KHDRBS3: variants seen among roughly 807,000 people sequenced by gnomAD.
KHDRBS3 encodes KH RNA binding domain containing, signal transduction associated 3.
KHDRBS3 carries 23 observed loss-of-function variants against 45.6 expected under a neutral mutation model. That is an observed-to-expected ratio of 0.50 (90% CI 0.36 to 0.72). KHDRBS3 has a LOEUF of 0.72. Ranked by LOEUF, KHDRBS3 falls within the 30% of genes least tolerant of loss-of-function variation. The pLI, the probability that KHDRBS3 is intolerant of heterozygous loss-of-function variation, is 0.00. For missense variants in KHDRBS3, 352 were observed against 424.8 expected (o/e 0.83, Z 1.51); for synonymous variants, 162 against 156.5 (o/e 1.04, Z -0.26).
At chr8:135,505,294 GTGATTT>G (rs1386810602) in intron 1 of KHDRBS3, among the ~76,000 whole-genome samples, 1 of 152,176 alleles carries the variant, frequency 6.6e-6, no homozygotes, top group East Asian at 1.9e-4. Flanking sequence ...GTGAGGCCAA[GTGATTT>G]GCCAGAGGTT....
chr8:135,656,120 G>C (rs966626314), intron 4 of KHDRBS3: 5 of 152,094 alleles, frequency 3.3e-5, no homozygotes, highest in African/African-American at 1.2e-4. Flanking sequence ...TTTCTATTAA[G>C]TGTCCACTTG....
intron 6 of KHDRBS3, among the ~76,000 whole-genome samples, chr8:135,587,582 G>A (rs575706280): frequency 2.6e-5 from 4 of 152,116 alleles, no homozygotes; most frequent in Admixed American, 6.5e-5. Context: ...TGGAGAACAA[G>A]AAGTGCCTTT....
chr8:135,489,756 G>A (rs910066859), intron 1 of KHDRBS3, among the ~76,000 whole-genome samples: 5 of 152,104 alleles, frequency 3.3e-5, no homozygotes, highest in Non-Finnish European at 2.9e-5. Flanking sequence ...AAAAGTTATA[G>A]TAAGGTAATA....
At chr8:135,480,314 C>T (rs1185460333) in intron 1 of KHDRBS3, among the ~76,000 whole-genome samples, 1 of 152,020 alleles carries the variant, frequency 6.6e-6, no homozygotes, top group Non-Finnish European at 1.5e-5. Context: ...AAATAAAAGG[C>T]ATACAGATTG....
In KHDRBS3 at chr8:135,593,931, A is replaced by G. The variant is rs112644816; in HGVS notation, c.807+11858A>G. Among the ~76,000 whole-genome samples the G allele has an allele frequency of 4.4e-3, 674 of 152,266 alleles. 13 individuals carry two copies. Among genetic ancestry groups the G allele is most frequent in the African/African-American group, 0.015 (615 of 41,572 alleles). ...TTTAGAGGAGACAACATTTAAACCAAACAGGAAGGGAATGAGTAGCACTCA... is the reference window on the plus strand; with the variant it reads ...TTTAGAGGAGACAACATTTAAACCAGACAGGAAGGGAATGAGTAGCACTCA... On this transcript the variant is annotated intron_variant, in intron 6 of 8. Coordinates refer to ENST00000355849, the MANE Select transcript of KHDRBS3 (RefSeq NM_006558.3).
intron 1 of KHDRBS3, 170 bp downstream of exon 1, chr8:135,458,124 C>G (rs1042849943): frequency 7.2e-7 from 1 of 1,382,192 alleles, no homozygotes; most frequent in Admixed American, 3.3e-5. Flanking sequence ...TGTGGGACAC[C>G]TAGGGGAAGA....
At position 135,542,701 on chromosome 8, in the gene KHDRBS3, G is replaced by A. The variant is rs1826102213; in HGVS notation, c.255G>A (p.Lys85=). The part of the protein sequence containing the change: ...KLLGPRGNSL[K]RLQEETLTKM... ...TGGGTCCACGTGGCAATTCTCTGAAGCGTTTACAAGAAGAAACCTTGACAA... is the reference window on the plus strand; with the variant it reads ...TGGGTCCACGTGGCAATTCTCTGAAACGTTTACAAGAAGAAACCTTGACAA... Residue 85 remains lysine, a synonymous_variant, in exon 3 of 9, where the codon AAG becomes AAA. Coordinates refer to ENST00000355849, the MANE Select transcript of KHDRBS3 (RefSeq NM_006558.3). 1 of 1,613,890 alleles carries A rather than the reference G, an allele frequency of 6.2e-7. No individual in the cohort carries two copies. The highest frequency in any genetic ancestry group is 8.5e-7 in the Non-Finnish European group (1 of 1,179,830).
intron 7 of KHDRBS3, among the ~76,000 whole-genome samples, chr8:135,626,739 G>A (rs1830381877): frequency 6.9e-6 from 1 of 144,506 alleles, no homozygotes. Flanking sequence ...GGGAGGCGGA[G>A]CTTGCAGTGA....
chr8:135,621,041 A>G (rs577352601), intron 7 of KHDRBS3, among the ~76,000 whole-genome samples: 1 of 152,084 alleles, frequency 6.6e-6, no homozygotes, highest in South Asian at 2.1e-4. Context: ...GAAACCCAGT[A>G]AGAAATCTTG....
intron 1 of KHDRBS3, among the ~76,000 whole-genome samples, chr8:135,507,240 G>A (rs1416296819): frequency 2.6e-5 from 4 of 152,076 alleles, no homozygotes; most frequent in East Asian, 3.9e-4. Flanking sequence ...AAAGATCAAC[G>A]AATTATTCCA....
exon 5 of KHDRBS3, chr8:135,656,385 A>G (rs1055073500): frequency 1.3e-5 from 2 of 152,168 alleles, no homozygotes; most frequent in African/African-American, 4.8e-5. Flanking sequence ...GTATGCTTTT[A>G]ATTTGGAGAA....
At chr8:135,535,009 C>T (rs1446569117) in intron 2 of KHDRBS3, among the ~76,000 whole-genome samples, 1 of 151,990 alleles carries the variant, frequency 6.6e-6, no homozygotes, top group African/African-American at 2.4e-5. Flanking sequence ...CCCAACAGTG[C>T]CGAAGTTGCT....
At chr8:135,465,772 C>T (rs1284644322) in intron 1 of KHDRBS3, among the ~76,000 whole-genome samples, 3 of 152,038 alleles carry the variant, frequency 2.0e-5, no homozygotes, top group East Asian at 3.8e-4. Flanking sequence ...TCAATCAGCC[C>T]CTGCTGCTAT....
chr8:135,617,189 A>G (rs1192756823), intron 7 of KHDRBS3, among the ~76,000 whole-genome samples: 1 of 152,046 alleles, frequency 6.6e-6, no homozygotes, highest in East Asian at 1.9e-4. Context: ...AGCCTGTAGT[A>G]GGTGTTTACC....
At chr8:135,646,900 T>C (rs754883870) in intron 8 of KHDRBS3, 93 bp from the exon 9 acceptor site, 1 of 736,278 alleles carries the variant, frequency 1.4e-6, no homozygotes. Flanking sequence ...ATATGACATG[T>C]ACCTTTGGTT....
intron 7 of KHDRBS3, chr8:135,625,114 AGG>A (rs745564701): frequency 5.2e-5 from 46 of 891,432 alleles, no homozygotes; most frequent in South Asian, 1.3e-4. Context: ...GGATAATAAA[AGG>A]GAGTATTTTA....
At chr8:135,504,745 C>T (rs1823905264) in intron 1 of KHDRBS3, among the ~76,000 whole-genome samples, 1 of 152,180 alleles carries the variant, frequency 6.6e-6, no homozygotes, top group Admixed American at 6.5e-5. Context: ...TATTGTCTTC[C>T]TGTGCATTTC....
intron 1 of KHDRBS3, among the ~76,000 whole-genome samples, chr8:135,505,946 G>T (rs780861277): frequency 6.6e-6 from 1 of 152,118 alleles, no homozygotes; most frequent in Admixed American, 6.5e-5. Context: ...TTCCCGATTC[G>T]CAGAACCTCA....
chr8:135,635,597 G>C (rs1830778406), intron 7 of KHDRBS3, among the ~76,000 whole-genome samples: 1 of 152,152 alleles, frequency 6.6e-6, no homozygotes, highest in Non-Finnish European at 1.5e-5. Context: ...TAGCCAGGCT[G>C]GTCTCCAGCT....
Sources: gnomAD v4.1 joint callset for allele counts (sites outside exome capture counted in the v4.1 genomes callset) on GRCh38, gnomAD v4.1.1 for gene constraint, MANE v1.5 for transcripts, NCBI Gene and HGNC (gene_info 2026-07-23, HGNC 2026-07-21) for gene names.